The following KRT17 variants were observed in gnomAD, a reference collection of about 807,000 sequenced individuals.
KRT17 encodes the protein keratin, type I cytoskeletal 17.
Under a neutral mutation model 45.6 loss-of-function variants are expected in KRT17, and 29 were observed. The observed-to-expected ratio is 0.64, with a 90% CI of 0.47 to 0.87. The LOEUF (loss-of-function observed/expected upper bound fraction) is 0.87. Ranked by LOEUF, KRT17 falls within the 40% of genes least tolerant of loss-of-function variation. KRT17 has a pLI of 0.00. For synonymous variants in KRT17, 219 were observed against 234.6 expected, an observed-to-expected ratio of 0.93 and a Z score of 0.61; for missense variants, 536 against 577.8, an observed-to-expected ratio of 0.93 and a Z score of 0.74.
chr17:41,620,892 A>G lies in KRT17; in HGVS notation c.961-13T>C. The G allele has an allele frequency of 1.2e-6, 2 of 1,614,004 alleles. No homozygotes were observed. Among genetic ancestry groups the G allele is most frequent in the South Asian group, 1.1e-5 (1 of 91,078 alleles). On this transcript the variant is annotated splice_polypyrimidine_tract_variant and intron_variant, in intron 5 of 7. Coordinates refer to ENST00000311208, the MANE Select transcript of KRT17 (RefSeq NM_000422.3). ...CCAGGGATGCTTTCTGCAGGAGGGC[A>G]GGAAGACCAGGGGTCAGTGAGGATG...
chr17:41,621,167 T>A (rs1344146098), intron 4 of KRT17, 76 bp from the exon 5 acceptor site: 2 of 1,579,932 alleles, frequency 1.3e-6, no homozygotes, highest in Non-Finnish European at 8.7e-7. Flanking sequence ...CAAATCTAAC[T>A]GTGGAGAGAG....
At chr17:41,622,021 A>G (rs1908559725) in intron 3 of KRT17, 1 of 602,136 alleles carries the variant, frequency 1.7e-6, no homozygotes, top group African/African-American at 1.9e-5. Context: ...CTAATTTCCA[A>G]GCTTCTATGT....
chr17:41,622,048 G>A, intron 3 of KRT17: 1 of 595,338 alleles, frequency 1.7e-6, no homozygotes, highest in Non-Finnish European at 3.0e-6. Context: ...TCAGCTTTGA[G>A]AGTTTGAAAT....
chr17:41,619,977 T>A, intron 7 of KRT17: 2 of 985,410 alleles, frequency 2.0e-6, no homozygotes, highest in Non-Finnish European at 1.2e-6. Context: ...GTAGACTCCA[T>A]GAAATCCGTC....
At chr17:41,622,793 A>G in intron 2 of KRT17, 157 bp downstream of exon 2, 2 of 743,486 alleles carry the variant, frequency 2.7e-6, no homozygotes, top group Non-Finnish European at 4.8e-6. Context: ...GGCTGCCTTC[A>G]CTGCATCCTG....
chr17:41,622,330 T>C (rs1908570135), intron 3 of KRT17, 25 bp downstream of exon 3: 2 of 1,612,372 alleles, frequency 1.2e-6, no homozygotes, highest in African/African-American at 2.7e-5. Context: ...TCAGCATCTT[T>C]GACCTTCTGC....
chr17:41,622,806 C>A, intron 2 of KRT17, 144 bp downstream of exon 2: 3 of 778,666 alleles, frequency 3.9e-6, no homozygotes, highest in Non-Finnish European at 6.8e-6. Flanking sequence ...GCATCCTGGA[C>A]TAAGGAGTGG....
Position 41,621,619 on chromosome 17 carries a change from C to T in KRT17, c.808G>A (p.Asp270Asn). ...YEKMAEKNRKDAEDWFFSKTE... is the reference protein window; with the variant it reads ...YEKMAEKNRKNAEDWFFSKTE... The stretch of plus-strand genomic sequence containing the variant: ...TTGCTGAAGAACCAATCCTCGGCAT[C>T]CTTGCGGTTCTTCTCTGCCATCTTC... The change falls in exon 4 of 8, where the codon GAT (aspartate) becomes AAT (asparagine). Residue 270 changes from aspartate (D) to asparagine (N), a missense_variant. Asp to Asn is a conservative substitution (Grantham distance 23). Transcript: ENST00000311208. 1 of 1,612,166 alleles carries T rather than the reference C, an allele frequency of 6.2e-7. No homozygotes were observed. Among genetic ancestry groups the T allele is most frequent in the Non-Finnish European group, 8.5e-7 (1 of 1,179,870 alleles).
Position 41,619,657 on chromosome 17 carries a change from C to T in KRT17, c.1236G>A (p.Val412=), listed in dbSNP as rs760885067. The change falls in exon 8 of 8, where the codon GTG becomes GTA. Residue 412 remains valine, a synonymous_variant. Coordinates refer to ENST00000311208, the MANE Select transcript of KRT17 (RefSeq NM_000422.3). ...PVTTRQVRTI[V]EEVQDGKVIS... ...TGACCTTGCCATCCTGGACCTCTTC[C>T]ACAATGGTACGCACCTGACGGGTGG... 1 of 1,612,102 alleles carries T rather than the reference C, an allele frequency of 6.2e-7. No homozygotes were observed.
intron 1 of KRT17, chr17:41,623,300 C>G (rs1299481072): frequency 4.7e-6 from 2 of 429,350 alleles, no homozygotes; most frequent in Non-Finnish European, 8.9e-6. Flanking sequence ...TATGAGGCAA[C>G]CAGAAAAGAA....
intron 3 of KRT17, chr17:41,621,980 T>C (rs1908558693): frequency 1.6e-6 from 1 of 623,866 alleles, no homozygotes; most frequent in East Asian, 2.8e-5. Context: ...TAAAATCTAA[T>C]TATTAGGCCT....
Position 41,619,626 on chromosome 17 carries a change from A to G in KRT17, c.1267T>C (p.Ser423Pro). 1 of 1,612,114 alleles carries G rather than the reference A, an allele frequency of 6.2e-7. No individual in the cohort carries two copies. The highest frequency in any genetic ancestry group is 8.5e-7 in the Non-Finnish European group (1 of 1,179,996). ...GTGGTCTGGTGGACCTGCTCGCGGG[A>G]GGAGATGACCTTGCCATCCTGGACC... ...EEVQDGKVIS[S>P]REQVHQTTR Residue 423 changes from serine to proline, a missense_variant, in exon 8 of 8, where the codon TCC (serine) becomes CCC (proline). Transcript: ENST00000311208.
In KRT17 at chr17:41,622,990, T is replaced by A. The variant is rs1281608115; in HGVS notation, c.475A>T (p.Ile159Phe). 1 of 1,613,218 alleles carries A rather than the reference T, an allele frequency of 6.2e-7. No individual in the cohort carries two copies. Among genetic ancestry groups the A allele is most frequent in the Admixed American group, 1.7e-5 (1 of 60,002 alleles). The change falls in exon 2 of 8, where the codon ATT becomes TTT. Residue 159 changes from isoleucine (I) to phenylalanine (F), a missense_variant. Transcript: ENST00000311208. ...TVDNANILLQ[I>F]DNARLAADDF... ...TCAGCAGCCAGACGGGCATTGTCAA[T>A]CTGTAGCAGGATGTTGGCATTGTCC...
chr17:41,622,893 A>G (rs1019631112), intron 2 of KRT17, 57 bp downstream of exon 2: 9 of 1,446,174 alleles, frequency 6.2e-6, no homozygotes, highest in Non-Finnish European at 8.7e-6. Flanking sequence ...CAGGAGGGGT[A>G]CCCTGAGATC....
chr17:41,621,355 C>T (rs1471300786), intron 4 of KRT17, among the ~76,000 whole-genome samples: 1 of 152,234 alleles, frequency 6.6e-6, no homozygotes, highest in Non-Finnish European at 1.5e-5. Context: ...GACGTGGGGA[C>T]TCCCAAGGTC....
chr17:41,623,257 G>A (rs112457973), intron 1 of KRT17: 12,004 of 513,460 alleles, frequency 0.023, 1,128 homozygotes, highest in African/African-American at 0.2. Context: ...TGGCAGGCTC[G>A]GCCTTAAAGG....
intron 4 of KRT17, 95 bp downstream of exon 4, chr17:41,621,498 C>A (rs1908540767): frequency 6.8e-7 from 1 of 1,477,730 alleles, no homozygotes; most frequent in Admixed American, 1.7e-5. Context: ...TGAGGAGGGG[C>A]ACCTCCAAGA....
chr17:41,619,781 C>T (rs1165197616), intron 7 of KRT17, 93 bp from the exon 8 acceptor site: 13 of 1,596,500 alleles, frequency 8.1e-6, no homozygotes, highest in Non-Finnish European at 1.1e-5. Context: ...CTCTCTCCCT[C>T]ATCCTCCCCC....
At position 41,622,452 on chromosome 17, in the gene KRT17, C is replaced by T; in HGVS notation, c.575G>A (p.Arg192Lys). 1 of 1,614,112 alleles carries T rather than the reference C, an allele frequency of 6.2e-7. No homozygotes were observed. Among genetic ancestry groups the T allele is most frequent in the Non-Finnish European group, 8.5e-7 (1 of 1,180,052 alleles). Residue 192 changes from arginine to lysine, a missense_variant, in exon 3 of 8, where the codon AGG becomes AAG. Arg to Lys is a conservative substitution (Grantham distance 26). Transcript: ENST00000311208. ...GGCCAGGGTCAGCTCATCCAGCACC[C>T]TGCGCAGGCCATTGATGTCGGCCTC... ...SVEADINGLR[R>K]VLDELTLARA...
Sources: gnomAD v4.1 joint callset for allele counts (sites outside exome capture counted in the v4.1 genomes callset) on GRCh38, gnomAD v4.1.1 for gene constraint, MANE v1.5 for transcripts, NCBI Gene and HGNC (gene_info 2026-07-23, HGNC 2026-07-21) for gene names.